GRM7: variants seen among roughly 807,000 people sequenced by gnomAD.
The protein encoded by GRM7 is glutamate metabotropic receptor 7, also known as metabotropic glutamate receptor 7.
In GRM7, 35 loss-of-function variants were observed where a neutral mutation model predicts 84.5. The observed-to-expected ratio is 0.41, with a 90% CI of 0.32 to 0.55. The LOEUF (loss-of-function observed/expected upper bound fraction) is 0.55, where lower values mean the gene tolerates loss of function less well. GRM7 is among the 20% of genes least tolerant of loss of function. The pLI is 0.19. For missense variants in GRM7, 1,003 were observed against 1,194.6 expected (o/e 0.84, Z 2.36); for synonymous variants, 487 against 455.1 (o/e 1.07, Z -0.89).
intron 1 of GRM7, among the ~76,000 whole-genome samples, chr3:7,126,464 C>A (rs755334612): frequency 6.6e-6 from 1 of 152,098 alleles, no homozygotes; most frequent in Non-Finnish European, 1.5e-5. Flanking sequence ...ACATATGAAA[C>A]CCCGAAGGTT....
intron 7 of GRM7, among the ~76,000 whole-genome samples, chr3:7,516,241 G>T (rs958421195): frequency 2.7e-5 from 4 of 148,288 alleles, no homozygotes; most frequent in Non-Finnish European, 5.9e-5. Context: ...GGAAGCCGAA[G>T]CCGAGGCGGG....
chr3:7,096,669 C>T (rs1001132526), intron 1 of GRM7, among the ~76,000 whole-genome samples: 1 of 152,114 alleles, frequency 6.6e-6, no homozygotes, highest in African/African-American at 2.4e-5. Flanking sequence ...GCCCTTGTCC[C>T]CTCTGAGGAG....
intron 2 of GRM7, among the ~76,000 whole-genome samples, chr3:7,150,795 AG>A (rs1280460210): frequency 6.6e-6 from 1 of 152,214 alleles, no homozygotes; most frequent in Non-Finnish European, 1.5e-5. Flanking sequence ...TATCAAAGTG[AG>A]GGTCAAGGTA....
chr3:7,388,865 G>T (rs189184707), intron 4 of GRM7, among the ~76,000 whole-genome samples: 41 of 151,946 alleles, frequency 2.7e-4, no homozygotes, highest in Non-Finnish European at 4.3e-4. Context: ...CCTTTGTATG[G>T]TCACAATTCC....
intron 1 of GRM7, among the ~76,000 whole-genome samples, chr3:6,996,817 G>T (rs1163482843): frequency 6.6e-6 from 1 of 152,138 alleles, no homozygotes; most frequent in Non-Finnish European, 1.5e-5. Flanking sequence ...GGAGCTGGAG[G>T]GTCTTACTCA....
At chr3:7,378,646 C>A (rs990671194) in intron 4 of GRM7, among the ~76,000 whole-genome samples, 3 of 152,146 alleles carry the variant, frequency 2.0e-5, no homozygotes, top group Admixed American at 6.6e-5. Context: ...CTTTTAAAAA[C>A]CAGTTGTGTG....
intron 1 of GRM7, among the ~76,000 whole-genome samples, chr3:6,886,774 CAATAATAAT>C (rs146018985): frequency 3.3e-5 from 5 of 149,626 alleles, no homozygotes; most frequent in South Asian, 2.1e-4. Context: ...TGGTCAGTAA[CAATAATAAT>C]AATAATAATA....
At chr3:6,940,275 A>G (rs2125055662) in intron 1 of GRM7, among the ~76,000 whole-genome samples, 1 of 152,160 alleles carries the variant, frequency 6.6e-6, no homozygotes, top group South Asian at 2.1e-4. Flanking sequence ...TATTTTTAGT[A>G]GAGATGGGGT....
At chr3:7,251,252 G>A (rs1041545128) in intron 2 of GRM7, among the ~76,000 whole-genome samples, 5 of 151,538 alleles carry the variant, frequency 3.3e-5, no homozygotes, top group African/African-American at 1.2e-4. Flanking sequence ...TAACCAGAAA[G>A]AATTTTAATG....
chr3:7,720,587 C>T (rs958616578), intron 9 of GRM7, among the ~76,000 whole-genome samples: 2 of 152,200 alleles, frequency 1.3e-5, no homozygotes, highest in Non-Finnish European at 2.9e-5. Flanking sequence ...AACAATTCCC[C>T]TGAATGAGTG....
intron 7 of GRM7, among the ~76,000 whole-genome samples, chr3:7,508,808 A>T (rs1409167404): frequency 6.6e-6 from 1 of 152,158 alleles, no homozygotes; most frequent in Non-Finnish European, 1.5e-5. Context: ...TTTATTTACC[A>T]TGCATTTCTT....
chr3:7,235,732 A>C (rs1193861305), intron 2 of GRM7, among the ~76,000 whole-genome samples: 1 of 152,234 alleles, frequency 6.6e-6, no homozygotes, highest in African/African-American at 2.4e-5. Context: ...GATAATATTC[A>C]TCATTTCTAA....
intron 8 of GRM7, among the ~76,000 whole-genome samples, chr3:7,648,454 C>G (rs1353785290): frequency 6.6e-6 from 1 of 151,778 alleles, no homozygotes; most frequent in Non-Finnish European, 1.5e-5. Context: ...CGAGACCAGC[C>G]TGGCCAACAT....
At chr3:7,200,916 C>A (rs565641181) in intron 2 of GRM7, among the ~76,000 whole-genome samples, 2 of 151,616 alleles carry the variant, frequency 1.3e-5, no homozygotes, top group African/African-American at 2.4e-5. Flanking sequence ...ATATCAGTGG[C>A]CCAGGACTGC....
chr3:6,918,544 T>C (rs1416036996), intron 1 of GRM7, among the ~76,000 whole-genome samples: 1 of 152,208 alleles, frequency 6.6e-6, no homozygotes, highest in Non-Finnish European at 1.5e-5. Context: ...CTGTTTCCCC[T>C]TCCATTAAGT....
At chr3:7,346,554 A>G (rs986250322) in intron 4 of GRM7, among the ~76,000 whole-genome samples, 2 of 152,164 alleles carry the variant, frequency 1.3e-5, no homozygotes, top group African/African-American at 4.8e-5. Context: ...AATTACTCCC[A>G]GGGATGCCTA....
intron 2 of GRM7, among the ~76,000 whole-genome samples, chr3:7,213,096 A>C (rs1696484614): frequency 6.6e-6 from 1 of 152,148 alleles, no homozygotes; most frequent in African/African-American, 2.4e-5. Flanking sequence ...GCTCTCACTG[A>C]GCTCTGAGTT....
intron 9 of GRM7, among the ~76,000 whole-genome samples, chr3:7,703,942 T>C (rs1172188433): frequency 1.3e-5 from 2 of 152,226 alleles, no homozygotes; most frequent in Non-Finnish European, 2.9e-5. Flanking sequence ...GTCTCCAAAA[T>C]AAGAAGCCCT....
intron 1 of GRM7, among the ~76,000 whole-genome samples, chr3:6,954,100 A>G (rs1692916638): frequency 6.6e-6 from 1 of 152,202 alleles, no homozygotes; most frequent in Non-Finnish European, 1.5e-5. Context: ...TATGCATAGA[A>G]TGTACCCCAC....
Sources: gnomAD v4.1 joint callset for allele counts (sites outside exome capture counted in the v4.1 genomes callset) on GRCh38, gnomAD v4.1.1 for gene constraint, MANE v1.5 for transcripts, NCBI Gene and HGNC (gene_info 2026-07-23, HGNC 2026-07-21) for gene names.